Variants in FBXO34 observed in about 807,000 individuals in gnomAD.
FBXO34 encodes the protein F-box protein 34, also known as F-box only protein 34.
FBXO34 carries 12 observed loss-of-function variants against 24.5 expected under a neutral mutation model. That is an observed-to-expected ratio of 0.49 (90% CI 0.31 to 0.79). The LOEUF is 0.79. FBXO34 is among the 30% of genes least tolerant of loss of function. FBXO34 has a pLI of 0.04. For missense variants in FBXO34, 823 were observed against 857.7 expected, an observed-to-expected ratio of 0.96 and a Z score of 0.51; for synonymous variants, 320 against 311.9, an observed-to-expected ratio of 1.03 and a Z score of -0.27.
At chr14:55,415,002 T>C in the FBXO34 span, among the ~76,000 whole-genome samples, 5 of 152,200 alleles carry the variant, frequency 3.3e-5, no homozygotes, top group Admixed American at 1.3e-4. Context: ...TTTCAAGAAA[T>C]TGTAAATCAT....
chr14:55,421,948 T>C, the FBXO34 span, among the ~76,000 whole-genome samples: 1 of 152,216 alleles, frequency 6.6e-6, no homozygotes, highest in African/African-American at 2.4e-5. Flanking sequence ...CAAGATTTTA[T>C]AAAATTCTAG....
intron 1 of FBXO34, among the ~76,000 whole-genome samples, chr14:55,303,832 A>G (rs1029789314): frequency 1.3e-5 from 2 of 152,138 alleles, no homozygotes; most frequent in African/African-American, 4.8e-5. Context: ...GGACCATGTT[A>G]CTGCCTAAGA....
At chr14:55,367,095 T>C (rs529109931) in intron 2 of FBXO34, 6 of 152,704 alleles carry the variant, frequency 3.9e-5, no homozygotes, top group African/African-American at 1.2e-4. Context: ...TCTTTGTAAA[T>C]TTTGTGGAAG....
At chr14:55,318,434 T>C (rs1478658456) in intron 1 of FBXO34, among the ~76,000 whole-genome samples, 3 of 132,756 alleles carry the variant, frequency 2.3e-5, no homozygotes, top group Admixed American at 7.9e-5. Flanking sequence ...TTTTTTTTTT[T>C]TTTTTTTTTA....
the FBXO34 span, chr14:55,433,654 T>C: frequency 6.2e-7 from 1 of 1,614,134 alleles, no homozygotes; most frequent in South Asian, 1.1e-5. Context: ...GCAGACCATC[T>C]TCCCAGAGCT....
At chr14:55,378,443 T>G in the FBXO34 span, among the ~76,000 whole-genome samples, 1 of 152,260 alleles carries the variant, frequency 6.6e-6, no homozygotes, top group Non-Finnish European at 1.5e-5. Context: ...ATCTGCTTTA[T>G]GCAGAATGGC....
chr14:55,287,225 A>G (rs1245349602), intron 1 of FBXO34, among the ~76,000 whole-genome samples: 2 of 152,076 alleles, frequency 1.3e-5, no homozygotes, highest in Non-Finnish European at 2.9e-5. Context: ...TCTTATACAC[A>G]TAGCCTGAAG....
chr14:55,429,589 C>T, the FBXO34 span, among the ~76,000 whole-genome samples: 2 of 151,912 alleles, frequency 1.3e-5, no homozygotes, highest in African/African-American at 4.8e-5. Flanking sequence ...CATGATGAAA[C>T]GCTGTCTCTA....
chr14:55,327,227 T>C (rs1883369630), intron 1 of FBXO34, among the ~76,000 whole-genome samples: 1 of 152,110 alleles, frequency 6.6e-6, no homozygotes, highest in Non-Finnish European at 1.5e-5. Context: ...TGAGGTGGGA[T>C]TGTGCTTTGT....
chr14:55,303,714 T>G (rs1882443238), intron 1 of FBXO34, among the ~76,000 whole-genome samples: 1 of 152,074 alleles, frequency 6.6e-6, no homozygotes, highest in Non-Finnish European at 1.5e-5. Context: ...CCACTCCCCC[T>G]TAATAAAAAT....
the FBXO34 span, among the ~76,000 whole-genome samples, chr14:55,399,643 A>C: frequency 1.3e-5 from 2 of 152,232 alleles, no homozygotes; most frequent in Non-Finnish European, 2.9e-5. Flanking sequence ...TTGTATCAAA[A>C]ATGAGAGACT....
chr14:55,347,958 A>G (rs1884213201), intron 1 of FBXO34, among the ~76,000 whole-genome samples: 1 of 152,246 alleles, frequency 6.6e-6, no homozygotes, highest in Non-Finnish European at 1.5e-5. Context: ...TTGAACGGAT[A>G]TGAAAATGTA....
chr14:55,327,819 C>A (rs1363014066), intron 1 of FBXO34, among the ~76,000 whole-genome samples: 1 of 146,128 alleles, frequency 6.8e-6, no homozygotes, highest in Non-Finnish European at 1.5e-5. Flanking sequence ...TGCACGAAAT[C>A]TTTTTTCATT....
chr14:55,372,832 A>G (rs1818075290), downstream of FBXO34, among the ~76,000 whole-genome samples: 1 of 152,054 alleles, frequency 6.6e-6, no homozygotes. Context: ...AGAGGAGGAA[A>G]TGTCCAAGTT....
At chr14:55,350,240 T>G in intron 1 of FBXO34, 141 bp from the exon 2 acceptor site, 6 of 536,728 alleles carry the variant, frequency 1.1e-5, no homozygotes, top group East Asian at 3.1e-5. Context: ...AAAACTATCA[T>G]GAGAGAGTTG....
At chr14:55,384,057 G>A in the FBXO34 span, among the ~76,000 whole-genome samples, 2 of 152,206 alleles carry the variant, frequency 1.3e-5, no homozygotes, top group Non-Finnish European at 2.9e-5. Flanking sequence ...AGATAAGACT[G>A]TGGCCAGTTC....
downstream of FBXO34, among the ~76,000 whole-genome samples, chr14:55,371,813 A>G (rs1167770018): frequency 6.7e-6 from 1 of 149,914 alleles, no homozygotes; most frequent in Non-Finnish European, 1.5e-5. Context: ...CAAAAAACAA[A>G]CAAAAAAACA....
the FBXO34 span, chr14:55,429,086 A>G: frequency 1.7e-4 from 219 of 1,326,204 alleles, 1 homozygote; most frequent in African/African-American, 2.7e-3. Context: ...AATGTATACT[A>G]TGAAGCTGTA....
At chr14:55,276,638 C>CGG (rs201666327) in intron 1 of FBXO34, among the ~76,000 whole-genome samples, 35 of 151,562 alleles carry the variant, frequency 2.3e-4, no homozygotes, top group African/African-American at 8.0e-4. Flanking sequence ...GTTGAGGAAG[C>CGG]GGGGGGGTCT....
Sources: gnomAD v4.1 joint callset for allele counts (sites outside exome capture counted in the v4.1 genomes callset) on GRCh38, gnomAD v4.1.1 for gene constraint, MANE v1.5 for transcripts, NCBI Gene and HGNC (gene_info 2026-07-23, HGNC 2026-07-21) for gene names.